SLC8A1: variants seen among roughly 807,000 people sequenced by gnomAD.
SLC8A1 encodes sodium/calcium exchanger 1.
Under a neutral mutation model 68.3 loss-of-function variants are expected in SLC8A1, and 18 were observed. The observed-to-expected ratio is 0.26, with a 90% CI of 0.18 to 0.39. SLC8A1 has a LOEUF of 0.39. Ranked by LOEUF, SLC8A1 falls within the 10% of genes least tolerant of loss-of-function variation. SLC8A1 has a pLI of 1.00. For synonymous variants in SLC8A1, 475 were observed against 415.5 expected (o/e 1.14, Z -1.74); for missense variants, 985 against 1,156.7 (o/e 0.85, Z 2.15).
At chr2:40,232,808 C>G (rs1004480753) in intron 2 of SLC8A1, among the ~76,000 whole-genome samples, 7 of 132,096 alleles carry the variant, frequency 5.3e-5, no homozygotes, top group Non-Finnish European at 9.5e-5. Context: ...TCCATGTGAT[C>G]TCATTGTTCA....
chr2:40,164,717 G>A, intron 5 of SLC8A1, 137 bp downstream of exon 8: 3 of 1,180,016 alleles, frequency 2.5e-6, no homozygotes, highest in Non-Finnish European at 3.6e-6. Context: ...GGCCCCAAAG[G>A]CTCTCAATTC....
chr2:40,349,474 C>G (rs968928492), intron 2 of SLC8A1, among the ~76,000 whole-genome samples: 2 of 152,176 alleles, frequency 1.3e-5, no homozygotes, highest in African/African-American at 2.4e-5. Flanking sequence ...CAGAGAGACA[C>G]AAATATGAAT....
Position 40,144,900 on chromosome 2 carries a change from C to A in SLC8A1, c.2162-5224G>T, listed in dbSNP as rs910633457. Among the ~76,000 whole-genome samples the A allele has an allele frequency of 5.9e-5, 9 of 152,250 alleles. No individual in the cohort carries two copies. In the South Asian group the frequency reaches 1.4e-3, roughly 25 times the overall value. The stretch of plus-strand genomic sequence containing the variant: ...AGGGAGGCAAATTAACATCTATCAT[C>A]TCATCTAGTTACTTTTTCCTGTGAC... On this transcript the variant is annotated intron_variant, in intron 6 of 7. Coordinates refer to ENST00000406785, the Ensembl canonical transcript of SLC8A1.
chr2:40,330,403 G>A (rs930561262), intron 2 of SLC8A1, among the ~76,000 whole-genome samples: 7 of 152,124 alleles, frequency 4.6e-5, no homozygotes, highest in African/African-American at 1.4e-4. Flanking sequence ...TGGACTAAAC[G>A]TAAGAAAAGA....
intron 4 of SLC8A1, 29 bp downstream of exon 7, chr2:40,170,252 G>A (rs1558606334): frequency 1.9e-6 from 3 of 1,601,260 alleles, no homozygotes; most frequent in Admixed American, 1.7e-5. Flanking sequence ...GGAGGCTGTG[G>A]TTTTCAAGGA....
chr2:40,444,728 T>C (rs776008995), intron 1 of SLC8A1, among the ~76,000 whole-genome samples: 4 of 152,234 alleles, frequency 2.6e-5, no homozygotes, highest in Admixed American at 2.6e-4. Context: ...TTATGTGATA[T>C]TCAAATTTCA....
At chr2:40,476,699 G>A (rs1361079505) in intron 1 of SLC8A1, among the ~76,000 whole-genome samples, 2 of 152,178 alleles carry the variant, frequency 1.3e-5, no homozygotes, top group African/African-American at 4.8e-5. Flanking sequence ...AGTGTGGTTA[G>A]TGCCAAATAC....
chr2:40,485,476 C>T (rs527862785), intron 1 of SLC8A1, among the ~76,000 whole-genome samples: 3 of 152,162 alleles, frequency 2.0e-5, no homozygotes, highest in Admixed American at 6.5e-5. Context: ...TTCCCTATGT[C>T]TCTTGCTTGC....
At chr2:40,440,132 T>C (rs1209358972) in intron 1 of SLC8A1, among the ~76,000 whole-genome samples, 1 of 152,154 alleles carries the variant, frequency 6.6e-6, no homozygotes, top group Middle Eastern at 3.2e-3. Context: ...TTTTCTCTAC[T>C]AGCTAGGGCA....
intron 2 of SLC8A1, among the ~76,000 whole-genome samples, chr2:40,207,730 G>A (rs183239283): frequency 4.6e-5 from 7 of 152,182 alleles, no homozygotes; most frequent in Admixed American, 2.6e-4. Context: ...CATGTCTTCT[G>A]GAATATTTGG....
intron 2 of SLC8A1, among the ~76,000 whole-genome samples, chr2:40,201,648 G>A (rs1268025778): frequency 1.3e-5 from 2 of 151,914 alleles, no homozygotes; most frequent in South Asian, 2.1e-4. Flanking sequence ...ATGCTGAAAT[G>A]AGTCATGTAA....
At position 40,393,923 on chromosome 2, in the gene SLC8A1, C is replaced by G. The variant is rs529090547; in HGVS notation, c.1808+34550G>C. ...CAATGGGTTATTTCAAATACCCCAC[C>G]ACAAGCCCTGAGAACACAGCTGGGT... is the stretch of plus-strand genomic sequence containing the variant. On this transcript the variant is annotated intron_variant, in intron 2 of 7. Coordinates refer to ENST00000406785, the Ensembl canonical transcript of SLC8A1. Among the ~76,000 whole-genome samples the G allele has an allele frequency of 7.2e-5, 11 of 152,164 alleles. No homozygotes were observed. The South Asian group carries it at 2.1e-3, about 29-fold the overall frequency.
chr2:40,366,135 G>A (rs1355120562), intron 2 of SLC8A1, among the ~76,000 whole-genome samples: 2 of 151,982 alleles, frequency 1.3e-5, no homozygotes, highest in Admixed American at 6.6e-5. Flanking sequence ...TTCTCTATTT[G>A]TAAAATGGGG....
rs1172909749 is a variant in SLC8A1, at chr2:40,361,887, C to CTTTTTTTT, written c.1808+66578_1808+66585dup. Among the ~76,000 whole-genome samples the CTTTTTTTT allele has an allele frequency of 1.8e-3, 95 of 53,126 alleles. 10 individuals carry two copies. The highest frequency in any genetic ancestry group is 0.031 in the Middle Eastern group (2 of 64). 34.9% of individuals were successfully genotyped at this position (53,126 alleles called of 152,430 possible). A position where few individuals can be genotyped will look rare whatever the true frequency, so the allele number is the denominator to read the frequency against. On this transcript the variant is annotated intron_variant, in intron 2 of 7. Transcript: ENST00000406785. ...GTCAGATGTTTATATCTTTTCTTTC[C>CTTTTTTTT]TTTTTTTTTTTTTTTTTTTTTTTTT...
intron 2 of SLC8A1, among the ~76,000 whole-genome samples, chr2:40,226,934 A>T (rs2059053229): frequency 6.6e-6 from 1 of 152,184 alleles, no homozygotes; most frequent in Non-Finnish European, 1.5e-5. Context: ...TCTATGTTAA[A>T]ATAGCTCTCT....
rs558423131 is a variant in SLC8A1, at chr2:40,170,978, C to T, written c.1930+3847G>A. On this transcript the variant is annotated intron_variant, in intron 4 of 7. Transcript: ENST00000406785. The stretch of plus-strand genomic sequence containing the variant: ...ATCGTCACAGCAACTGTTTGGATAA[C>T]CTAGGGTTAACCTAGGCCTAGGGGG... 3.5e-3 allele frequency among the ~76,000 whole-genome samples: 530 copies of T among 152,254 alleles called. 4 individuals carry two copies. The highest frequency in any genetic ancestry group is 5.8e-3 in the Non-Finnish European group (394 of 68,014).
intron 2 of SLC8A1, among the ~76,000 whole-genome samples, chr2:40,214,080 C>G (rs754901081): frequency 1.3e-4 from 20 of 152,152 alleles, no homozygotes; most frequent in Non-Finnish European, 2.8e-4. Context: ...TTGATGAGGG[C>G]TAGGAATCTG....
At chr2:40,482,402 G>C (rs1704687298) in intron 1 of SLC8A1, among the ~76,000 whole-genome samples, 1 of 152,124 alleles carries the variant, frequency 6.6e-6, no homozygotes, top group African/African-American at 2.4e-5. Context: ...TAAAAATCTT[G>C]TATTTGTAAA....
intron 2 of SLC8A1, among the ~76,000 whole-genome samples, chr2:40,302,258 C>T (rs1456615321): frequency 2.0e-5 from 3 of 151,914 alleles, no homozygotes; most frequent in Admixed American, 6.6e-5. Context: ...CCCTAAAATC[C>T]ATTGTATCAT....
Sources: allele counts gnomAD v4.1 joint callset (sites outside exome capture counted in the v4.1 genomes callset), GRCh38; gene constraint gnomAD v4.1.1; transcripts MANE v1.5; gene names NCBI Gene and HGNC (gene_info 2026-07-23, HGNC 2026-07-21).